Variants in NTRK3 observed in about 807,000 individuals in gnomAD.
NTRK3 encodes neurotrophic receptor tyrosine kinase 3, also known as NT-3 growth factor receptor.
A neutral mutation model predicts 91.7 loss-of-function variants in NTRK3; 24 were observed. The observed-to-expected ratio is 0.26, with a 90% CI of 0.19 to 0.37. The LOEUF (loss-of-function observed/expected upper bound fraction) is 0.37, where lower values mean the gene tolerates loss of function less well. Among genes scored for constraint, NTRK3 ranks in the 10% least tolerant of loss-of-function variants. NTRK3 has a pLI of 1.00. For missense variants in NTRK3, 880 were observed against 1,068.9 expected, an observed-to-expected ratio of 0.82 and a Z score of 2.46; for synonymous variants, 483 against 404.0, an observed-to-expected ratio of 1.20 and a Z score of -2.34.
intron 14 of NTRK3, chr15:87,981,407 C>G (rs761256154): frequency 1.2e-6 from 2 of 1,613,310 alleles, no homozygotes; most frequent in Non-Finnish European, 1.7e-6. Context: ...AGTATTAAAC[C>G]CCAAGTGCAA....
At chr15:87,876,995 G>A (rs2141435651) in exon 19 of NTRK3, 2 of 1,613,880 alleles carry the variant, frequency 1.2e-6, no homozygotes, top group East Asian at 2.2e-5. Flanking sequence ...GGATTTTGTA[G>A]ATCTCCTTGA....
intron 6 of NTRK3, chr15:88,144,069 C>A (rs1000350249): frequency 6.6e-6 from 1 of 152,170 alleles, no homozygotes; most frequent in South Asian, 2.1e-4. Flanking sequence ...ATCTAAGCTT[C>A]TTTTCTTCCT....
intron 14 of NTRK3, among the ~76,000 whole-genome samples, chr15:88,030,297 A>C (rs561377951): frequency 4.0e-4 from 61 of 152,290 alleles, no homozygotes; most frequent in African/African-American, 1.4e-3. Context: ...TAGAAGGAAG[A>C]CTTCCTCCAC....
intron 13 of NTRK3, among the ~76,000 whole-genome samples, chr15:88,124,860 A>T (rs899164792): frequency 6.6e-6 from 1 of 152,228 alleles, no homozygotes; most frequent in African/African-American, 2.4e-5. Flanking sequence ...TCTTGGTCAA[A>T]ATATCTCAGA....
At chr15:87,936,171 T>G (rs908377145) in intron 15 of NTRK3, among the ~76,000 whole-genome samples, 9 of 152,142 alleles carry the variant, frequency 5.9e-5, no homozygotes, top group African/African-American at 2.2e-4. Flanking sequence ...AAAGAACCGA[T>G]TTATCATAGT....
intron 13 of NTRK3, among the ~76,000 whole-genome samples, chr15:88,053,841 A>T (rs930732703): frequency 1.3e-5 from 2 of 152,262 alleles, no homozygotes; most frequent in African/African-American, 2.4e-5. Context: ...GAAAGGCTAT[A>T]CTTAATGGAA....
chr15:87,976,533 G>T (rs1239737162), intron 14 of NTRK3, among the ~76,000 whole-genome samples: 2 of 152,110 alleles, frequency 1.3e-5, no homozygotes, highest in African/African-American at 4.8e-5. Flanking sequence ...CTCCACTCTT[G>T]CTCCATCTCT....
intron 6 of NTRK3, among the ~76,000 whole-genome samples, chr15:88,140,878 AG>A (rs2042323143): frequency 6.6e-6 from 1 of 152,164 alleles, no homozygotes; most frequent in Non-Finnish European, 1.5e-5. Flanking sequence ...AACTGGAGAG[AG>A]GGAAGAGAAG....
chr15:87,861,050 A>G (rs1316161549), exon 19 of NTRK3: 1 of 226,164 alleles, frequency 4.4e-6, no homozygotes, highest in Admixed American at 5.7e-5. Context: ...TTGGCCTCAG[A>G]ACAGGTGTGC....
At chr15:88,127,436 T>C (rs1453576734) in intron 11 of NTRK3, among the ~76,000 whole-genome samples, 2 of 152,078 alleles carry the variant, frequency 1.3e-5, no homozygotes, top group African/African-American at 4.8e-5. Context: ...TGGCTGGTGT[T>C]ACAGTTCAAG....
At chr15:87,895,814 A>C (rs150108754) in intron 17 of NTRK3, among the ~76,000 whole-genome samples, 6 of 149,190 alleles carry the variant, frequency 4.0e-5, no homozygotes, top group Non-Finnish European at 7.4e-5. Flanking sequence ...TTATTTATTT[A>C]TTTATTTATT....
At chr15:88,083,344 T>A (rs1305451142) in intron 13 of NTRK3, among the ~76,000 whole-genome samples, 1 of 152,002 alleles carries the variant, frequency 6.6e-6, no homozygotes, top group Admixed American at 6.6e-5. Flanking sequence ...CCTCAGCCTC[T>A]CTGGAGTAGC....
intron 14 of NTRK3, among the ~76,000 whole-genome samples, chr15:87,982,235 A>C (rs760037078): frequency 1.3e-5 from 2 of 152,228 alleles, no homozygotes; most frequent in South Asian, 2.1e-4. Flanking sequence ...GCCTGATAGC[A>C]TAAGAGGCAC....
In NTRK3 at chr15:88,136,151, A is replaced by G. The variant is rs544266669; in HGVS notation, c.766-111T>C. On this transcript the variant is annotated intron_variant, in intron 8 of 18. Coordinates refer to ENST00000394480, the Ensembl canonical transcript of NTRK3. ...AAAAGGAAAGCTGAGCGGAAGGCGA[A>G]GGAGATCTTTGTGTGAAAGCACACT... 20 of 1,393,280 alleles carry G rather than the reference A, an allele frequency of 1.4e-5. No individual in the cohort carries two copies. The South Asian group carries it at 2.3e-4, about 16-fold the overall frequency. The allele number at this position is 1,393,280 out of a possible 1,614,324, so 86.3% of individuals were successfully genotyped here. A position where few individuals can be genotyped will look rare whatever the true frequency, so the allele number is the denominator to read the frequency against.
chr15:87,869,412 C>A lies in NTRK3; in HGVS notation c.*7523G>T, dbSNP rs187717979. 180 of 225,838 alleles carry A rather than the reference C, an allele frequency of 8.0e-4. 1 individual carries two copies. Among genetic ancestry groups the A allele is most frequent in the African/African-American group, 3.8e-3 (172 of 45,060 alleles). 14.0% of individuals were successfully genotyped at this position (225,838 alleles called of 1,614,324 possible). Reference sequence around the variant, plus strand: ...TAATCTAGATGTCAACATCGTCTGACAGCACTGAAATTACTCCAGGGCAGG... The same window carrying A: ...TAATCTAGATGTCAACATCGTCTGAAAGCACTGAAATTACTCCAGGGCAGG... On this transcript the variant is annotated 3_prime_UTR_variant, in exon 19 of 19. Coordinates refer to ENST00000394480, the Ensembl canonical transcript of NTRK3.
chr15:88,031,656 C>T (rs2078547563), intron 14 of NTRK3, among the ~76,000 whole-genome samples: 1 of 152,154 alleles, frequency 6.6e-6, no homozygotes, highest in Admixed American at 6.5e-5. Context: ...AAACGATGAC[C>T]TTATGCTGAC....
At chr15:87,866,917 T>C (rs2064697167) in exon 19 of NTRK3, 1 of 213,540 alleles carries the variant, frequency 4.7e-6, no homozygotes, top group Non-Finnish European at 9.5e-6. Context: ...TCCTCATCTA[T>C]AGAAATATAG....
chr15:87,927,158 T>C (rs537889312), intron 17 of NTRK3: 1 of 152,370 alleles, frequency 6.6e-6, no homozygotes, highest in Non-Finnish European at 1.5e-5. Flanking sequence ...GAATACTGGA[T>C]AGGACAGGTG....
At chr15:87,907,362 T>C (rs188985442) in intron 17 of NTRK3, among the ~76,000 whole-genome samples, 4 of 152,276 alleles carry the variant, frequency 2.6e-5, no homozygotes, top group Admixed American at 2.6e-4. Context: ...TAAACTTTCA[T>C]GCTGTTATTA....
Sources: gnomAD v4.1 joint callset for allele counts (sites outside exome capture counted in the v4.1 genomes callset) on GRCh38, gnomAD v4.1.1 for gene constraint, MANE v1.5 for transcripts, NCBI Gene and HGNC (gene_info 2026-07-23, HGNC 2026-07-21) for gene names.